Variants in ROBO1 observed in about 807,000 individuals in gnomAD.
The protein encoded by ROBO1 is roundabout guidance receptor 1.
Under a neutral mutation model 195.9 loss-of-function variants are expected in ROBO1, and 149 were observed. That is an observed-to-expected ratio of 0.76 (90% CI 0.67 to 0.87). The LOEUF (loss-of-function observed/expected upper bound fraction) is 0.87, where lower values mean the gene tolerates loss of function less well. ROBO1 is among the 40% of genes least tolerant of loss of function. The pLI is 0.00. For synonymous variants in ROBO1, 816 were observed against 733.2 expected (o/e 1.11, Z -1.82); for missense variants, 1,933 against 2,068.3 (o/e 0.93, Z 1.27).
intron 2 of ROBO1, among the ~76,000 whole-genome samples, chr3:79,360,431 TTTG>T (rs1442572936): frequency 2.6e-5 from 4 of 151,946 alleles, no homozygotes; most frequent in African/African-American, 9.7e-5. Context: ...AAATTTTTTC[TTTG>T]TTTTCTCCAC....
chr3:79,097,526 A>G (rs2079592804), intron 3 of ROBO1, among the ~76,000 whole-genome samples: 1 of 151,830 alleles, frequency 6.6e-6, no homozygotes. Flanking sequence ...TGTATGGAAA[A>G]CTAAATTTAT....
At chr3:79,760,848 T>A (rs912486131) in intron 1 of ROBO1, among the ~76,000 whole-genome samples, 17 of 111,186 alleles carry the variant, frequency 1.5e-4, no homozygotes, top group African/African-American at 5.6e-4. Flanking sequence ...TACAGGGTAC[T>A]GTTATGGGTT....
rs149529790 is a variant in ROBO1 at position 79,563,360 on chromosome 3, C to T, written c.88+26464G>A. Among the ~76,000 whole-genome samples, 36 of 152,076 alleles carry T rather than the reference C, an allele frequency of 2.4e-4. No individual in the cohort carries two copies. The East Asian group carries it at 5.0e-3, about 21-fold the overall frequency. ...TGTAATCAGAAACACCCCATAAAAG[C>T]GTGTGTATTTCTGCCTACTGCCTCA... On this transcript the variant is annotated intron_variant, in intron 2 of 30. Transcript: ENST00000464233.
chr3:78,762,638 T>A (rs1408544784), intron 4 of ROBO1, among the ~76,000 whole-genome samples: 2 of 152,008 alleles, frequency 1.3e-5, no homozygotes, highest in Non-Finnish European at 2.9e-5. Context: ...AAACTTTACT[T>A]GATTCATGCA....
chr3:79,457,671 C>T (rs770773295), intron 2 of ROBO1, among the ~76,000 whole-genome samples: 1 of 152,112 alleles, frequency 6.6e-6, no homozygotes, highest in Non-Finnish European at 1.5e-5. Context: ...TTGAATAAGT[C>T]TCACAAGATC....
At chr3:79,641,376 G>C (rs978538956) in intron 1 of ROBO1, among the ~76,000 whole-genome samples, 1 of 151,672 alleles carries the variant, frequency 6.6e-6, no homozygotes, top group Non-Finnish European at 1.5e-5. Flanking sequence ...CAAATATATA[G>C]ACTTTTTCAC....
chr3:78,714,267 G>T, intron 8 of ROBO1, 130 bp downstream of exon 8: 2 of 871,034 alleles, frequency 2.3e-6, no homozygotes, highest in Non-Finnish European at 3.2e-6. Context: ...AAATATGTTT[G>T]AAATACATTA....
intron 2 of ROBO1, among the ~76,000 whole-genome samples, chr3:79,425,263 C>T (rs756289156): frequency 6.6e-6 from 1 of 152,120 alleles, no homozygotes; most frequent in Non-Finnish European, 1.5e-5. Context: ...AAACGGACCA[C>T]GCTTCCTTGA....
At chr3:79,190,503 G>A (rs1486183770) in intron 2 of ROBO1, among the ~76,000 whole-genome samples, 2 of 151,580 alleles carry the variant, frequency 1.3e-5, no homozygotes, top group African/African-American at 4.8e-5. Flanking sequence ...CAGAAGGGTA[G>A]ATTACTCTTA....
chr3:79,431,277 A>G (rs1010572977), intron 2 of ROBO1, among the ~76,000 whole-genome samples: 2 of 152,132 alleles, frequency 1.3e-5, no homozygotes, highest in African/African-American at 2.4e-5. Context: ...AATCCCATCA[A>G]TAACTTATTT....
intron 2 of ROBO1, among the ~76,000 whole-genome samples, chr3:79,150,773 A>G (rs564889175): frequency 6.6e-6 from 1 of 151,982 alleles, no homozygotes; most frequent in African/African-American, 2.4e-5. Context: ...TCAAGTTTAC[A>G]TGTCCATAAA....
chr3:79,177,238 G>C (rs998598864), intron 2 of ROBO1, among the ~76,000 whole-genome samples: 1 of 152,158 alleles, frequency 6.6e-6, no homozygotes, highest in African/African-American at 2.4e-5. Context: ...ACGTTTCAAA[G>C]ACAGTGCAAA....
intron 2 of ROBO1, among the ~76,000 whole-genome samples, chr3:79,372,195 C>A (rs2109341451): frequency 1.4e-5 from 2 of 137,972 alleles, no homozygotes; most frequent in East Asian, 2.2e-4. Flanking sequence ...GACCCCTGTT[C>A]TAGCATTCTT....
At chr3:79,459,341 A>T (rs549912033) in intron 2 of ROBO1, among the ~76,000 whole-genome samples, 47 of 152,260 alleles carry the variant, frequency 3.1e-4, no homozygotes, top group African/African-American at 1.1e-3. Context: ...CTCTACAAAA[A>T]ATCATAACAT....
chr3:79,084,953 AAAC>A (rs2079341270), intron 3 of ROBO1, among the ~76,000 whole-genome samples: 1 of 152,160 alleles, frequency 6.6e-6, no homozygotes, highest in Non-Finnish European at 1.5e-5. Context: ...AAATTAATTT[AAAC>A]AATATAAAAC....
At chr3:79,077,221 A>T (rs893245199) in intron 3 of ROBO1, among the ~76,000 whole-genome samples, 4 of 151,914 alleles carry the variant, frequency 2.6e-5, no homozygotes, top group African/African-American at 9.7e-5. Flanking sequence ...AGCCCCTGAC[A>T]ACCACTGTTC....
chr3:79,264,477 T>C (rs1354104597), intron 2 of ROBO1, among the ~76,000 whole-genome samples: 1 of 152,096 alleles, frequency 6.6e-6, no homozygotes, highest in Non-Finnish European at 1.5e-5. Context: ...TGCATTCAAC[T>C]ATTCATATAT....
chr3:79,484,755 C>CTTTTTTTTCTTTTTTTTTTTT (rs1939063205), intron 2 of ROBO1, among the ~76,000 whole-genome samples: 2 of 66,884 alleles, frequency 3.0e-5, no homozygotes, highest in African/African-American at 1.1e-4. Flanking sequence ...ATTGCACTAT[C>CTTTTTTTTCTTTTTTTTTTTT]TTTTTTTTTT....
intron 2 of ROBO1, among the ~76,000 whole-genome samples, chr3:79,443,962 C>T (rs1175280608): frequency 6.7e-6 from 1 of 150,022 alleles, no homozygotes; most frequent in Non-Finnish European, 1.5e-5. Flanking sequence ...ACAGAAAAAC[C>T]GGGAGTGCAC....
Sources: gnomAD v4.1 joint callset for allele counts (sites outside exome capture counted in the v4.1 genomes callset) on GRCh38, gnomAD v4.1.1 for gene constraint, MANE v1.5 for transcripts, NCBI Gene and HGNC (gene_info 2026-07-23, HGNC 2026-07-21) for gene names.